The following HSPBAP1 variants were observed in gnomAD, a reference collection of about 807,000 sequenced individuals.
HSPBAP1 encodes the protein HSPB1 associated protein 1.
A neutral mutation model predicts 45.2 loss-of-function variants in HSPBAP1; 27 were observed. The observed-to-expected ratio is 0.60, with a 90% CI of 0.44 to 0.82. The LOEUF (loss-of-function observed/expected upper bound fraction) is 0.82. Ranked by LOEUF, HSPBAP1 falls within the 40% of genes least tolerant of loss-of-function variation. The pLI is 0.00. For synonymous variants in HSPBAP1, 204 were observed against 202.7 expected (o/e 1.01, Z -0.06); for missense variants, 510 against 590.9 (o/e 0.86, Z 1.42).
At chr3:122,750,647 TCA>T (rs370688349) in intron 6 of HSPBAP1, among the ~76,000 whole-genome samples, 3 of 152,136 alleles carry the variant, frequency 2.0e-5, no homozygotes, top group African/African-American at 7.2e-5. Flanking sequence ...AGCTGAGATC[TCA>T]GTTTCTAAAT....
Position 122,740,253 on chromosome 3 carries a change from C to G in HSPBAP1, c.*92G>C, listed in dbSNP as rs140347071. ...ATAAATACATTTACAAATGTGCAAA[C>G]TGACCTTTTGCTGGTTCATCTTTAT... On this transcript the variant is annotated 3_prime_UTR_variant, in exon 8 of 8. Coordinates refer to ENST00000306103, the MANE Select transcript of HSPBAP1 (RefSeq NM_024610.6). 2.4e-5 allele frequency: 18 copies of G among 762,836 alleles called. No homozygotes were observed. The highest frequency in any genetic ancestry group is 3.5e-5 in the Non-Finnish European group (18 of 517,200). The allele number at this position is 762,836 out of a possible 1,614,324, so 47.3% of individuals were successfully genotyped here. A position where few individuals can be genotyped will look rare whatever the true frequency, so the allele number is the denominator to read the frequency against.
intron 2 of HSPBAP1, among the ~76,000 whole-genome samples, chr3:122,774,809 C>G (rs538584528): frequency 6.6e-6 from 1 of 152,248 alleles, no homozygotes; most frequent in South Asian, 2.1e-4. Flanking sequence ...AGACACCATT[C>G]AAGACAGGCA....
chr3:122,740,477 C>A lies in HSPBAP1; in HGVS notation c.1335G>T (p.Glu445Asp). The change falls in exon 8 of 8, where the codon GAG (glutamate) becomes GAT (aspartate). Residue 445 changes from glutamate (E) to aspartate (D), a missense_variant. Physicochemically the swap from Glu to Asp is conservative, Grantham distance 45. Transcript: ENST00000306103. ...TAGTAGTATTTGAGGCAATCTGTTC[C>A]TCAATTGCATTTTCACTGTTGCTCA... ...QIMSNSENAI[E>D]EQIASNTTTT... 1 of 1,614,142 alleles carries A rather than the reference C, an allele frequency of 6.2e-7. No homozygotes were observed. Among genetic ancestry groups the A allele is most frequent in the South Asian group, 1.1e-5 (1 of 91,082 alleles).
At chr3:122,759,511 C>T in intron 3 of HSPBAP1, 151 bp from the exon 4 acceptor site, 2 of 806,230 alleles carry the variant, frequency 2.5e-6, no homozygotes, top group Non-Finnish European at 4.0e-6. Flanking sequence ...GTTTCCAGGG[C>T]AGTTCAAGAA....
chr3:122,780,287 A>C (rs1188728913), intron 1 of HSPBAP1, among the ~76,000 whole-genome samples: 5 of 44,000 alleles, frequency 1.1e-4, no homozygotes, highest in Admixed American at 2.5e-4. Flanking sequence ...CGGGGGGCTG[A>C]CCCCCCCACC....
chr3:122,791,737 C>T (rs79009027), intron 1 of HSPBAP1, among the ~76,000 whole-genome samples: 4,927 of 152,082 alleles, frequency 0.032, 110 homozygotes, highest in Middle Eastern at 0.078. Flanking sequence ...TGTGAAAAGC[C>T]AAAGGGGAGG....
chr3:122,771,082 C>G (rs1206120883), intron 2 of HSPBAP1, among the ~76,000 whole-genome samples: 1 of 152,224 alleles, frequency 6.6e-6, no homozygotes, highest in East Asian at 1.9e-4. Flanking sequence ...ACAGCAAGCT[C>G]TGCACATTAA....
At chr3:122,784,500 T>C (rs1297206597) in intron 1 of HSPBAP1, among the ~76,000 whole-genome samples, 4 of 152,222 alleles carry the variant, frequency 2.6e-5, no homozygotes, top group African/African-American at 4.8e-5. Context: ...CATAGTATAC[T>C]ATATCCACTA....
At chr3:122,749,481 T>C (rs1385090870) in intron 6 of HSPBAP1, among the ~76,000 whole-genome samples, 1 of 152,214 alleles carries the variant, frequency 6.6e-6, no homozygotes, top group Non-Finnish European at 1.5e-5. Context: ...TAAAGGACTT[T>C]GTATCTATCC....
rs1293346925 is a variant in HSPBAP1 at position 122,780,096 on chromosome 3, G to A, written c.65-2190C>T. ...CCAGTAGGGGCGGCCGGGCAGAGGC[G>A]CCCCTCACCTCCCGGACGGGGCGGC... On this transcript the variant is annotated intron_variant, in intron 1 of 7. Transcript: ENST00000306103. Among the ~76,000 whole-genome samples, 7 of 150,060 alleles carry A rather than the reference G, an allele frequency of 4.7e-5. No individual in the cohort carries two copies. The South Asian group carries it at 8.4e-4, about 18-fold the overall frequency.
chr3:122,747,597 C>G (rs1327385847), intron 6 of HSPBAP1, among the ~76,000 whole-genome samples: 3 of 149,256 alleles, frequency 2.0e-5, no homozygotes, highest in Admixed American at 2.0e-4. Flanking sequence ...GGTCAGCGCC[C>G]CGCCCGGCCA....
intron 2 of HSPBAP1, among the ~76,000 whole-genome samples, chr3:122,773,002 T>A (rs1935054907): frequency 6.6e-6 from 1 of 151,912 alleles, no homozygotes; most frequent in Admixed American, 6.6e-5. Context: ...GTGTGCACCA[T>A]CACACCTGGC....
chr3:122,750,853 C>A (rs1037130196), intron 6 of HSPBAP1, among the ~76,000 whole-genome samples: 14 of 152,088 alleles, frequency 9.2e-5, no homozygotes, highest in Non-Finnish European at 1.5e-4. Context: ...ACAGATAAGA[C>A]CCAAATTTAA....
At chr3:122,754,763 C>T in intron 5 of HSPBAP1, 2 of 985,760 alleles carry the variant, frequency 2.0e-6, no homozygotes, top group Non-Finnish European at 2.4e-6. Flanking sequence ...GGAAATGTTT[C>T]AGAGTTAGTA....
intron 3 of HSPBAP1, among the ~76,000 whole-genome samples, chr3:122,763,882 T>C (rs1934685184): frequency 6.6e-6 from 1 of 152,264 alleles, no homozygotes; most frequent in Admixed American, 6.5e-5. Context: ...ATGCCGCCTG[T>C]CTGCTCCACG....
At chr3:122,755,169 G>T in intron 5 of HSPBAP1, 91 bp downstream of exon 5, 1 of 1,256,100 alleles carries the variant, frequency 8.0e-7, no homozygotes, top group Non-Finnish European at 1.0e-6. Context: ...TTTGCACTGC[G>T]CAGGGAGGGG....
chr3:122,744,335 C>T (rs1013120733), intron 6 of HSPBAP1, among the ~76,000 whole-genome samples: 3 of 152,106 alleles, frequency 2.0e-5, no homozygotes, highest in Non-Finnish European at 4.4e-5. Context: ...GTATGTGATT[C>T]ATGAAAGCAA....
rs1345195400 is a variant in HSPBAP1 at position 122,755,267 on chromosome 3, G to C, written c.734C>G (p.Pro245Arg). ...GTTTTAAAGCCCTATTACCTGTCCT[G>C]GGCTCAGTGTAACCGCATGTCTTTG... ...KAQRHAVTLS[P>R]GQVLFVPRHW... Residue 245 changes from proline (P) to arginine (R), a missense_variant, in exon 5 of 8, where the codon CCA (proline) becomes CGA (arginine). Physicochemically the swap from Pro to Arg is moderately radical, Grantham distance 103. Coordinates refer to ENST00000306103, the MANE Select transcript of HSPBAP1 (RefSeq NM_024610.6). The C allele has an allele frequency of 6.3e-7, 1 of 1,577,162 alleles. No homozygotes were observed. The highest frequency in any genetic ancestry group is 8.6e-7 in the Non-Finnish European group (1 of 1,166,230).
intron 6 of HSPBAP1, among the ~76,000 whole-genome samples, chr3:122,748,249 G>T (rs1280954616): frequency 6.6e-6 from 1 of 152,132 alleles, no homozygotes; most frequent in Non-Finnish European, 1.5e-5. Flanking sequence ...CACTGCGGAA[G>T]GCCGCAGGGT....
Sources: allele counts gnomAD v4.1 joint callset (sites outside exome capture counted in the v4.1 genomes callset), GRCh38; gene constraint gnomAD v4.1.1; transcripts MANE v1.5; gene names NCBI Gene and HGNC (gene_info 2026-07-23, HGNC 2026-07-21).